Variants in TAF3 observed in about 807,000 individuals in gnomAD.
TAF3 encodes the protein transcription initiation factor TFIID subunit 3.
Under a neutral mutation model 80.6 loss-of-function variants are expected in TAF3, and 7 were observed. That is an observed-to-expected ratio of 0.09 (90% CI 0.05 to 0.16). TAF3 has a LOEUF of 0.16. Among genes scored for constraint, TAF3 ranks in the 10% least tolerant of loss-of-function variants. TAF3 has a pLI of 1.00. For missense variants in TAF3, 921 were observed against 1,140.2 expected (o/e 0.81, Z 2.77); for synonymous variants, 444 against 446.1 (o/e 1.00, Z 0.06).
chr10:7,917,168 A>G (rs573426254), intron 2 of TAF3, among the ~76,000 whole-genome samples: 10 of 152,368 alleles, frequency 6.6e-5, no homozygotes, highest in African/African-American at 2.4e-4. Flanking sequence ...GAGACAGACA[A>G]TATAAAAGTA....
At chr10:7,931,151 C>CA (rs1360663936) in intron 2 of TAF3, among the ~76,000 whole-genome samples, 2 of 152,166 alleles carry the variant, frequency 1.3e-5, no homozygotes, top group African/African-American at 2.4e-5. Context: ...GCATGGTAGT[C>CA]AAAATGCATC....
chr10:7,988,752 G>GAACAAAAAAAA (rs1831804386), intron 4 of TAF3, among the ~76,000 whole-genome samples: 1 of 92,886 alleles, frequency 1.1e-5, no homozygotes, highest in South Asian at 3.7e-4. Context: ...CTGTCTCTCA[G>GAACAAAAAAAA]AAAAAAAAAA....
At position 7,964,808 on chromosome 10, in the gene TAF3, C is replaced by T. The variant is rs1449793026; in HGVS notation, c.1298C>T (p.Thr433Ile). Residue 433 changes from threonine (T) to isoleucine (I), a missense_variant, in exon 3 of 7, where the codon ACT (threonine) becomes ATT (isoleucine). Around this residue, in one of 6 missense-constraint regions of TAF3, gnomAD observed 743 missense variants for 821.0 expected, o/e 0.90. Coordinates refer to ENST00000344293, the MANE Select transcript of TAF3 (RefSeq NM_031923.4). This position sits in a 1 kb window ranked among gnomAD's most constrained non-coding sequence, Gnocchi z 4.1. ...AGAATTTCAGGCCCGGAGTGTACTA[C>T]TCCCAAAGCTTCCACTTCCGCGAAC... The part of the protein sequence containing the change: ...PKRISGPECT[T>I]PKASTSANNF... 6.2e-6 allele frequency: 10 copies of T among 1,614,188 alleles called. No homozygotes were observed. Among genetic ancestry groups the T allele is most frequent in the Non-Finnish European group, 8.5e-6 (10 of 1,180,040 alleles).
At chr10:7,913,334 A>G (rs895807410) in intron 2 of TAF3, among the ~76,000 whole-genome samples, 15 of 152,158 alleles carry the variant, frequency 9.9e-5, no homozygotes. Context: ...GAAATGCAGG[A>G]TGTGCCTGGG....
chr10:7,835,858 C>T (rs1297108725), intron 2 of TAF3, among the ~76,000 whole-genome samples: 2 of 152,196 alleles, frequency 1.3e-5, no homozygotes, highest in Non-Finnish European at 2.9e-5. Flanking sequence ...TATTTTGGCA[C>T]TGATGGGTGT....
At chr10:7,993,282 C>A (rs1191632403) in intron 4 of TAF3, among the ~76,000 whole-genome samples, 1 of 152,134 alleles carries the variant, frequency 6.6e-6, no homozygotes, top group Non-Finnish European at 1.5e-5. Flanking sequence ...GAGCTCAAGC[C>A]ATCCTCCCAC....
At chr10:7,898,824 T>TC (rs1301971078) in intron 2 of TAF3, among the ~76,000 whole-genome samples, 2 of 152,124 alleles carry the variant, frequency 1.3e-5, no homozygotes, top group Non-Finnish European at 2.9e-5. Context: ...GTTTTTTTTT[T>TC]CTCTTTTGGT....
intron 2 of TAF3, among the ~76,000 whole-genome samples, chr10:7,871,087 TAGTC>T (rs1476101731): frequency 1.3e-5 from 2 of 152,162 alleles, no homozygotes; most frequent in Non-Finnish European, 2.9e-5. Context: ...TAATACACTG[TAGTC>T]AGTCGTTTAA....
chr10:7,832,135 G>C (rs1271309553), intron 2 of TAF3, among the ~76,000 whole-genome samples: 1 of 151,944 alleles, frequency 6.6e-6, no homozygotes, highest in African/African-American at 2.4e-5. Flanking sequence ...ATCAAAAAAA[G>C]TACTCCTCCT....
chr10:7,942,208 C>T (rs1332387530), intron 2 of TAF3, among the ~76,000 whole-genome samples: 4 of 152,134 alleles, frequency 2.6e-5, no homozygotes, highest in African/African-American at 9.7e-5. Flanking sequence ...AGCAATCACC[C>T]GTGACGATGC....
rs796518358 is a variant in TAF3 at position 7,868,772 on chromosome 10, G to A, written c.409+44212G>A. On this transcript the variant is annotated intron_variant, in intron 2 of 6. Transcript: ENST00000344293. Reference sequence around the variant, plus strand: ...CACCTAGAAAGTACCAAGTAAACAAGAACAGTAATACATTTAATATAATAA... The same window carrying A: ...CACCTAGAAAGTACCAAGTAAACAAAAACAGTAATACATTTAATATAATAA... Among the ~76,000 whole-genome samples, 9 of 152,198 alleles carry A rather than the reference G, an allele frequency of 5.9e-5. 1 individual carries two copies. Among genetic ancestry groups the A allele is most frequent in the African/African-American group, 2.2e-4 (9 of 41,534 alleles).
chr10:7,831,990 T>G (rs1433602482), intron 2 of TAF3, among the ~76,000 whole-genome samples: 1 of 152,192 alleles, frequency 6.6e-6, no homozygotes, highest in Non-Finnish European at 1.5e-5. Flanking sequence ...AATAATTAAG[T>G]CAAGCTAGTT....
In TAF3 at chr10:8,014,765, G is replaced by T. The variant is rs527968004; in HGVS notation, c.*14G>T. On this transcript the variant is annotated 3_prime_UTR_variant, in exon 7 of 7. Transcript: ENST00000344293. Reference sequence around the variant, plus strand: ...CGAGCCCACTGACGACTCCCGAGGGGCTGGACCAAGCGGGGTCAGCCCGGG... The same window carrying T: ...CGAGCCCACTGACGACTCCCGAGGGTCTGGACCAAGCGGGGTCAGCCCGGG... 1.7e-5 allele frequency: 26 copies of T among 1,569,272 alleles called. No individual in the cohort carries two copies. The African/African-American group carries it at 2.4e-4, about 15-fold the overall frequency.
At chr10:7,879,888 G>C (rs1035233163) in intron 2 of TAF3, among the ~76,000 whole-genome samples, 1 of 152,030 alleles carries the variant, frequency 6.6e-6, no homozygotes, top group African/African-American at 2.4e-5. Context: ...TTATTTCCTA[G>C]TTTGGGAGAA....
intron 2 of TAF3, among the ~76,000 whole-genome samples, chr10:7,846,022 A>C (rs940259480): frequency 1.0e-4 from 15 of 147,084 alleles, no homozygotes; most frequent in Middle Eastern, 7.2e-3. Flanking sequence ...GCAGTGGCGC[A>C]ATCTCGGCTC....
intron 2 of TAF3, among the ~76,000 whole-genome samples, chr10:7,865,064 G>A (rs1837196525): frequency 6.6e-6 from 1 of 152,122 alleles, no homozygotes; most frequent in South Asian, 2.1e-4. Flanking sequence ...TAGAGTGATG[G>A]GTTGAGGAGG....
chr10:7,986,550 C>T (rs1831779622), intron 4 of TAF3, among the ~76,000 whole-genome samples: 1 of 152,126 alleles, frequency 6.6e-6, no homozygotes, highest in African/African-American at 2.4e-5. Flanking sequence ...AGATAAATGT[C>T]TTCTTAGCTC....
intron 4 of TAF3, among the ~76,000 whole-genome samples, chr10:8,007,986 G>A (rs1832013113): frequency 6.6e-6 from 1 of 152,006 alleles, no homozygotes; most frequent in Non-Finnish European, 1.5e-5. Context: ...TAGTGGAGGA[G>A]CAGGGTCACA....
chr10:7,960,941 A>G (rs928843960), intron 2 of TAF3, among the ~76,000 whole-genome samples: 2 of 152,202 alleles, frequency 1.3e-5, no homozygotes, highest in Non-Finnish European at 2.9e-5. Context: ...CAAACCCTCA[A>G]TTTCCAAGGG....
Sources: allele counts gnomAD v4.1 joint callset (sites outside exome capture counted in the v4.1 genomes callset), GRCh38; gene constraint gnomAD v4.1.1; regional missense constraint gnomAD v4.1.1; non-coding constraint Gnocchi (gnomAD v3.1); transcripts MANE v1.5; gene names NCBI Gene and HGNC (gene_info 2026-07-23, HGNC 2026-07-21).